Variants in TRIO observed in about 807,000 individuals in gnomAD.
TRIO encodes the protein triple functional domain protein.
In TRIO, 58 loss-of-function variants were observed where a neutral mutation model predicts 351.9. The ratio of observed to expected loss-of-function variants is 0.16; its 90% CI spans 0.13 to 0.21. The LOEUF (loss-of-function observed/expected upper bound fraction) is 0.21, where lower values mean the gene tolerates loss of function less well. TRIO is among the 10% of genes least tolerant of loss of function. The pLI is 1.00. For synonymous variants in TRIO, 1,758 were observed against 1,595.7 expected (o/e 1.10, Z -2.42); for missense variants, 3,201 against 4,027.8 (o/e 0.79, Z 5.56).
At position 14,498,610 on chromosome 5, in the gene TRIO, G is replaced by C; in HGVS notation, c.8302G>C (p.Ala2768Pro). Residue 2768 changes from alanine (A) to proline (P), a missense_variant, in exon 53 of 57, where the codon GCC becomes CCC. Physicochemically the swap from Ala to Pro is conservative, Grantham distance 27 (BLOSUM62 -1). This residue lies in a region of TRIO where 1,089 missense variants were observed against 954.9 expected (regional missense o/e 1.14). Coordinates refer to ENST00000344204, the MANE Select transcript of TRIO (RefSeq NM_007118.4). Reference protein sequence around the residue: ...TCIAVNDMGSASSSASLRVLG... With the variant: ...TCIAVNDMGSPSSSASLRVLG... ...CATCGCTGTCAATGACATGGGTTCA[G>C]CCTCATCGTCGGCCAGCCTGAGGGT... The C allele has an allele frequency of 6.2e-7, 1 of 1,614,118 alleles. No homozygotes were observed. Among genetic ancestry groups the C allele is most frequent in the Non-Finnish European group, 8.5e-7 (1 of 1,179,944 alleles).
At chr5:14,354,891 A>G (rs1743475649) in intron 11 of TRIO, among the ~76,000 whole-genome samples, 1 of 152,232 alleles carries the variant, frequency 6.6e-6, no homozygotes, top group Non-Finnish European at 1.5e-5. Flanking sequence ...GGGCAGCTTC[A>G]GTGAAGCAAA....
intron 8 of TRIO, among the ~76,000 whole-genome samples, chr5:14,312,235 A>G (rs936975244): frequency 2.6e-5 from 4 of 152,222 alleles, no homozygotes; most frequent in Non-Finnish European, 5.9e-5. Flanking sequence ...TTACAAGTCT[A>G]TGTGCAGTTC....
At chr5:14,211,352 A>T (rs754324335) in intron 1 of TRIO, among the ~76,000 whole-genome samples, 4 of 152,268 alleles carry the variant, frequency 2.6e-5, no homozygotes, top group Non-Finnish European at 5.9e-5. Flanking sequence ...AGACCTGTTT[A>T]TAAGCAAACC....
chr5:14,287,245 G>T, intron 4 of TRIO, 182 bp downstream of exon 4: 1 of 660,508 alleles, frequency 1.5e-6, no homozygotes, highest in Non-Finnish European at 2.5e-6. Flanking sequence ...CATCATCCGA[G>T]TGGATTGTTT....
intron 1 of TRIO, among the ~76,000 whole-genome samples, chr5:14,163,530 A>G (rs1349153165): frequency 6.6e-6 from 1 of 152,062 alleles, no homozygotes; most frequent in Admixed American, 6.5e-5. Context: ...CTAAAAGGAG[A>G]CTTCTTTGAA....
intron 9 of TRIO, among the ~76,000 whole-genome samples, chr5:14,329,309 A>G (rs1392475299): frequency 6.6e-6 from 1 of 152,238 alleles, no homozygotes; most frequent in Non-Finnish European, 1.5e-5. Flanking sequence ...GTGTCCCCCC[A>G]AATTCATGTT....
At chr5:14,455,429 C>T (rs1297146351) in intron 34 of TRIO, among the ~76,000 whole-genome samples, 1 of 151,402 alleles carries the variant, frequency 6.6e-6, no homozygotes, top group East Asian at 2.0e-4. Context: ...AGACACAGAG[C>T]AGCGATTGGT....
In TRIO at chr5:14,289,813, C is replaced by T. The variant is rs1017093266; in HGVS notation, c.541-903C>T. On this transcript the variant is annotated intron_variant, in intron 4 of 56. Transcript: ENST00000344204. ...GCAGTAAGCTGAGACTGCGCCACTG[C>T]ACTCCAGCCTGGGTGACAGAGCAAG... Among the ~76,000 whole-genome samples the T allele has an allele frequency of 8.6e-5, 13 of 151,944 alleles. 1 individual carries two copies. Among genetic ancestry groups the T allele is most frequent in the South Asian group, 4.2e-4 (2 of 4,812 alleles).
In TRIO at chr5:14,276,979, G is replaced by T. The variant is rs576681308; in HGVS notation, c.233-3343G>T. 6.6e-5 allele frequency among the ~76,000 whole-genome samples: 10 copies of T among 152,304 alleles called. No homozygotes were observed. The South Asian group carries it at 1.9e-3, about 28-fold the overall frequency. ...CTTTCTATTATTAAAATAAACCTCA[G>T]TTCCCTTAGCATCCACAGGATATCC... On this transcript the variant is annotated intron_variant, in intron 2 of 56. Transcript: ENST00000344204.
chr5:14,220,504 T>A (rs1792549207), intron 1 of TRIO, among the ~76,000 whole-genome samples: 1 of 152,236 alleles, frequency 6.6e-6, no homozygotes, highest in Non-Finnish European at 1.5e-5. Context: ...TTAAACCTAG[T>A]GAAGAAGGCA....
chr5:14,386,454 C>T (rs1746551158), intron 21 of TRIO, among the ~76,000 whole-genome samples: 1 of 151,424 alleles, frequency 6.6e-6, no homozygotes. Flanking sequence ...GATCATTTAT[C>T]TGGGTTTTGA....
intron 11 of TRIO, among the ~76,000 whole-genome samples, chr5:14,348,275 G>A (rs1742619271): frequency 6.6e-6 from 1 of 152,218 alleles, no homozygotes; most frequent in Admixed American, 6.5e-5. Flanking sequence ...TGCCCTGGAA[G>A]CTATAGTTAT....
intron 31 of TRIO, among the ~76,000 whole-genome samples, chr5:14,404,030 G>A (rs1468086192): frequency 1.5e-5 from 2 of 134,810 alleles, no homozygotes; most frequent in Admixed American, 1.4e-4. Context: ...GGTGTAGGTT[G>A]TGGTGGTGAG....
chr5:14,472,684 C>G (rs1754776606), intron 39 of TRIO, 26 bp downstream of exon 39: 1 of 1,612,054 alleles, frequency 6.2e-7, no homozygotes, highest in East Asian at 2.2e-5. Context: ...AATTTAGTAT[C>G]TTCGTATCAG....
intron 20 of TRIO, among the ~76,000 whole-genome samples, chr5:14,380,214 CGTG>C (rs1203168521): frequency 2.0e-5 from 3 of 152,210 alleles, no homozygotes; most frequent in East Asian, 1.9e-4. Flanking sequence ...TCTTGTCTTA[CGTG>C]TTGTTAGAAA....
At chr5:14,414,325 C>A (rs1579586012) in intron 33 of TRIO, among the ~76,000 whole-genome samples, 1 of 152,218 alleles carries the variant, frequency 6.6e-6, no homozygotes, top group Non-Finnish European at 1.5e-5. Flanking sequence ...ACCCTTGAAG[C>A]CTAATGCGAG....
chr5:14,504,252 C>A, intron 54 of TRIO, 141 bp from the exon 55 acceptor site: 2 of 865,998 alleles, frequency 2.3e-6, no homozygotes, highest in East Asian at 5.3e-5. Context: ...GCACCACAGC[C>A]CCTCCGTGGA....
chr5:14,229,304 C>T (rs1401347971), intron 1 of TRIO, among the ~76,000 whole-genome samples: 7 of 152,158 alleles, frequency 4.6e-5, no homozygotes, highest in Non-Finnish European at 1.0e-4. Flanking sequence ...GGGATGGTGG[C>T]CACCTAGTAG....
Position 14,497,053 on chromosome 5 carries a change from C to G in TRIO, c.8019+36C>G. On this transcript the variant is annotated intron_variant, in intron 50 of 56. Coordinates refer to ENST00000344204, the MANE Select transcript of TRIO (RefSeq NM_007118.4). This position sits in a 1 kb window ranked among gnomAD's most constrained non-coding sequence, Gnocchi z 4.4. Reference sequence around the variant, plus strand: ...GGGTCTTCAGGAGTCCGTGTCATCCCAGCATGAGAGAAAGGATCAGGGAGG... The same window carrying G: ...GGGTCTTCAGGAGTCCGTGTCATCCGAGCATGAGAGAAAGGATCAGGGAGG... 6.2e-7 allele frequency: 1 copy of G among 1,609,542 alleles called. No individual in the cohort carries two copies. The highest frequency in any genetic ancestry group is 1.3e-5 in the African/African-American group (1 of 74,762).
Sources: gnomAD v4.1 joint callset for allele counts (sites outside exome capture counted in the v4.1 genomes callset) on GRCh38, gnomAD v4.1.1 for gene constraint, gnomAD v4.1.1 regional missense constraint, Gnocchi (gnomAD v3.1) non-coding constraint, MANE v1.5 for transcripts, NCBI Gene and HGNC (gene_info 2026-07-23, HGNC 2026-07-21) for gene names.